The following RANBP2 variants were observed in gnomAD, a reference collection of about 807,000 sequenced individuals.
RANBP2 encodes RAN binding protein 2.
RANBP2 carries 57 observed loss-of-function variants against 303.6 expected under a neutral mutation model. The observed-to-expected ratio is 0.19, with a 90% CI of 0.15 to 0.23. The LOEUF (loss-of-function observed/expected upper bound fraction) is 0.23. RANBP2 is among the 10% of genes least tolerant of loss of function. The pLI is 1.00. For missense variants in RANBP2, 3,138 were observed against 3,780.8 expected (o/e 0.83, Z 4.46); for synonymous variants, 1,167 against 1,301.5 (o/e 0.90, Z 2.23).
At chr2:109,429,691 T>C in the RANBP2 span, among the ~76,000 whole-genome samples, 1 of 152,134 alleles carries the variant, frequency 6.6e-6, no homozygotes, top group East Asian at 1.9e-4. Context: ...GCCCTGGCCC[T>C]ACCCCTGAAC....
At chr2:109,029,060 C>T in the RANBP2 span, among the ~76,000 whole-genome samples, 1 of 152,140 alleles carries the variant, frequency 6.6e-6, no homozygotes, top group Non-Finnish European at 1.5e-5. Context: ...GCTGGGATTA[C>T]AGGCGTGAGG....
the RANBP2 span, among the ~76,000 whole-genome samples, chr2:109,132,314 G>T: frequency 6.6e-6 from 1 of 151,852 alleles, no homozygotes; most frequent in African/African-American, 2.4e-5. Flanking sequence ...ATTTTGTTAC[G>T]GTTCAATATT....
Position 108,719,565 on chromosome 2 carries a change from A to C in RANBP2, c.-42A>C. On this transcript the variant is annotated 5_prime_UTR_variant, in exon 1 of 29. Coordinates refer to ENST00000283195, the MANE Select transcript of RANBP2 (RefSeq NM_006267.5). ...GGAAGTGGCGACTGCTGCGGGCCTG[A>C]GCGCTGGTCTCACGCGCCTCGGGAG... The C allele has an allele frequency of 6.3e-7, 1 of 1,581,790 alleles. No individual in the cohort carries two copies. The highest frequency in any genetic ancestry group is 8.6e-7 in the Non-Finnish European group (1 of 1,165,854).
chr2:109,419,491 G>T, the RANBP2 span: 1 of 1,531,028 alleles, frequency 6.5e-7, no homozygotes. Flanking sequence ...CTTTCCCTTG[G>T]ATGGAGTCTC....
At chr2:109,179,184 G>A in the RANBP2 span, among the ~76,000 whole-genome samples, 1 of 152,172 alleles carries the variant, frequency 6.6e-6, no homozygotes, top group Non-Finnish European at 1.5e-5. Context: ...GTATCTTGCA[G>A]CTGCGTGGAA....
At chr2:109,058,160 G>A in the RANBP2 span, among the ~76,000 whole-genome samples, 50 of 152,242 alleles carry the variant, frequency 3.3e-4, no homozygotes, top group Non-Finnish European at 1.0e-4. Flanking sequence ...AGGTGGGGAC[G>A]GTCACAGAAA....
chr2:109,572,918 C>T, the RANBP2 span, among the ~76,000 whole-genome samples: 1 of 152,130 alleles, frequency 6.6e-6, no homozygotes, highest in Non-Finnish European at 1.5e-5. Flanking sequence ...TCCAGCCCAA[C>T]AACCTTCTTA....
the RANBP2 span, chr2:108,884,959 T>C: frequency 6.6e-6 from 1 of 152,264 alleles, no homozygotes; most frequent in Non-Finnish European, 1.5e-5. Flanking sequence ...TCCCTGTCTG[T>C]AGAATGAGAA....
chr2:108,752,940 C>G, intron 12 of RANBP2, 58 bp from the exon 13 acceptor site: 1 of 1,607,398 alleles, frequency 6.2e-7, no homozygotes, highest in South Asian at 1.1e-5. Context: ...TGTAAATGAA[C>G]TTTAGATCTA....
chr2:109,202,103 T>C, the RANBP2 span, among the ~76,000 whole-genome samples: 2 of 152,250 alleles, frequency 1.3e-5, no homozygotes, highest in Non-Finnish European at 1.5e-5. Flanking sequence ...CTCGAGGCGA[T>C]CTCGGCCACT....
the RANBP2 span, among the ~76,000 whole-genome samples, chr2:108,920,079 G>A: frequency 6.6e-6 from 1 of 152,236 alleles, no homozygotes; most frequent in Non-Finnish European, 1.5e-5. Flanking sequence ...GTCCTCATCT[G>A]AATCTCTTTC....
At chr2:109,249,350 A>G in the RANBP2 span, among the ~76,000 whole-genome samples, 2 of 152,192 alleles carry the variant, frequency 1.3e-5, no homozygotes, top group African/African-American at 2.4e-5. Context: ...AAAATCCCCG[A>G]GCAAGTTGGT....
the RANBP2 span, among the ~76,000 whole-genome samples, chr2:109,146,821 C>T: frequency 8.1e-6 from 1 of 123,602 alleles, no homozygotes; most frequent in African/African-American, 3.1e-5. Flanking sequence ...TTCCTCTGTC[C>T]TCCCCTTCCT....
At chr2:108,775,086 A>G (rs1006369631) in intron 23 of RANBP2, among the ~76,000 whole-genome samples, 17 of 152,322 alleles carry the variant, frequency 1.1e-4, no homozygotes, top group African/African-American at 4.1e-4. Context: ...CCTTCTAAGC[A>G]CTTCCTAGCT....
At chr2:108,966,877 G>C in the RANBP2 span, among the ~76,000 whole-genome samples, 1 of 152,220 alleles carries the variant, frequency 6.6e-6, no homozygotes, top group Non-Finnish European at 1.5e-5. Flanking sequence ...AAGTGAAAGG[G>C]AGACAGAGAG....
the RANBP2 span, among the ~76,000 whole-genome samples, chr2:108,986,544 C>T: frequency 2.0e-5 from 3 of 152,154 alleles, no homozygotes; most frequent in Non-Finnish European, 4.4e-5. Context: ...GAGGCCTGGG[C>T]ATACTGAGTG....
At chr2:109,082,878 T>C in the RANBP2 span, among the ~76,000 whole-genome samples, 79 of 144,932 alleles carry the variant, frequency 5.5e-4, no homozygotes, top group African/African-American at 1.9e-3. Flanking sequence ...CAGGCTGGAG[T>C]GCAGTGGCGC....
At chr2:108,725,239 C>T (rs1694600506) in intron 1 of RANBP2, among the ~76,000 whole-genome samples, 1 of 152,134 alleles carries the variant, frequency 6.6e-6, no homozygotes, top group African/African-American at 2.4e-5. Context: ...GGGCTGTGCT[C>T]CTTCCTAGCT....
intron 23 of RANBP2, among the ~76,000 whole-genome samples, chr2:108,774,909 C>G (rs1454489899): frequency 6.6e-6 from 1 of 152,184 alleles, no homozygotes; most frequent in East Asian, 1.9e-4. Context: ...TAAGGCTGGT[C>G]TTGAACTCCT....
Sources: gnomAD v4.1 joint callset for allele counts (sites outside exome capture counted in the v4.1 genomes callset) on GRCh38, gnomAD v4.1.1 for gene constraint, MANE v1.5 for transcripts, NCBI Gene and HGNC (gene_info 2026-07-23, HGNC 2026-07-21) for gene names.